The following BCL6 variants were observed in gnomAD, a reference collection of about 807,000 sequenced individuals.
BCL6 encodes B-cell lymphoma 6 protein.
A neutral mutation model predicts 59.5 loss-of-function variants in BCL6; 7 were observed. The ratio of observed to expected loss-of-function variants is 0.12; its 90% CI spans 0.07 to 0.22. The LOEUF is 0.22. Ranked by LOEUF, BCL6 falls within the 10% of genes least tolerant of loss-of-function variation. BCL6 has a pLI of 1.00. For missense variants in BCL6, 685 were observed against 939.4 expected, an observed-to-expected ratio of 0.73 and a Z score of 3.54; for synonymous variants, 339 against 349.7, an observed-to-expected ratio of 0.97 and a Z score of 0.34.
At chr3:187,745,114 A>T in intron 1 of BCL6, among the ~76,000 whole-genome samples, 1 of 152,270 alleles carries the variant, frequency 6.6e-6, no homozygotes, top group African/African-American at 2.4e-5. Context: ...ATTCACTCAA[A>T]GACAACAATA....
Position 187,721,909 on chromosome 3 carries a change from G to A in BCL6, c.*549C>T, listed in dbSNP as rs543937019. 5.0e-5 allele frequency: 10 copies of A among 201,900 alleles called. No individual in the cohort carries two copies. The highest frequency in any genetic ancestry group is 3.1e-4 in the East Asian group (4 of 12,994). 12.5% of individuals were successfully genotyped at this position (201,900 alleles called of 1,614,324 possible). Reference sequence around the variant, plus strand: ...GCAGATACAAAATCGAGCCTTTAACGCAGTTTTATATTTTTAATATATCTT... The same window carrying A: ...GCAGATACAAAATCGAGCCTTTAACACAGTTTTATATTTTTAATATATCTT... On this transcript the variant is annotated 3_prime_UTR_variant, in exon 10 of 10. Transcript: ENST00000406870. This position sits in a 1 kb window ranked among gnomAD's most constrained non-coding sequence, Gnocchi z 4.2.
At chr3:187,730,151 C>A in intron 4 of BCL6, 130 bp from the exon 5 acceptor site, 2 of 1,262,054 alleles carry the variant, frequency 1.6e-6, no homozygotes, top group South Asian at 1.8e-5. Flanking sequence ...GGCTCTGGAG[C>A]AGGGAACCAC....
intron 1 of BCL6, among the ~76,000 whole-genome samples, chr3:187,743,190 A>G (rs1328311303): frequency 6.6e-6 from 1 of 152,072 alleles, no homozygotes; most frequent in African/African-American, 2.4e-5. Flanking sequence ...TTTAAAATCC[A>G]GACTGTAAAA....
intron 1 of BCL6, among the ~76,000 whole-genome samples, chr3:187,744,898 A>G (rs1011610968): frequency 4.6e-5 from 7 of 152,248 alleles, no homozygotes; most frequent in South Asian, 2.1e-4. Flanking sequence ...CGCAAGCAGC[A>G]GCAGAAAGAG....
chr3:187,744,255 T>C (rs1711760961), intron 1 of BCL6, among the ~76,000 whole-genome samples: 2 of 152,152 alleles, frequency 1.3e-5, no homozygotes, highest in African/African-American at 2.4e-5. Context: ...TCCCAGGCTG[T>C]CCTGTCGAGG....
At chr3:187,733,726 C>T in intron 2 of BCL6, 23 bp from the exon 3 acceptor site, 1 of 1,598,216 alleles carries the variant, frequency 6.3e-7, no homozygotes, top group Non-Finnish European at 8.5e-7. Flanking sequence ...GGCCAAAATC[C>T]TGTTAGTCCT....
chr3:187,731,728 G>A lies in BCL6; in HGVS notation c.364C>T (p.Arg122Trp), dbSNP rs551620719. The change falls in exon 4 of 10, where the codon CGG (arginine) becomes TGG (tryptophan). Residue 122 changes from arginine (R) to tryptophan (W), a missense_variant. Transcript: ENST00000406870. ...ACTCACCTGGCCTTAATAAACTTCC[G>A]GCAAGTGTCCACAACATGCTCCATC... ...LQMEHVVDTC[R>W]KFIKASEAEM... 10 of 1,614,048 alleles carry A rather than the reference G, an allele frequency of 6.2e-6. No homozygotes were observed. The highest frequency in any genetic ancestry group is 1.7e-5 in the Admixed American group (1 of 60,012).
intron 1 of BCL6, among the ~76,000 whole-genome samples, 177 bp downstream of exon 1, chr3:187,745,233 T>G: frequency 1.3e-5 from 2 of 152,166 alleles, no homozygotes. Flanking sequence ...TATATACATT[T>G]ATATCAATAG....
At chr3:187,724,873 C>CACTCCACCTCCTTCCCT (rs1718594668) in intron 9 of BCL6, 68 bp downstream of exon 9, 2 of 1,597,642 alleles carry the variant, frequency 1.3e-6, no homozygotes, top group African/African-American at 2.7e-5. Context: ...TCCTTCCCTG[C>CACTCCACCTCCTTCCCT]GCTCCACCTC....
Position 187,721,716 on chromosome 3 carries a change from TG to T in BCL6, c.*741del, listed in dbSNP as rs1350310577. On this transcript the variant is annotated 3_prime_UTR_variant, in exon 10 of 10. Coordinates refer to ENST00000406870, the MANE Select transcript of BCL6 (RefSeq NM_001706.5). This position sits in a 1 kb window ranked among gnomAD's most constrained non-coding sequence, Gnocchi z 4.2. ...CTTCTGCAGATTTTTTTGTTCTTTT[TG>T]TTTTTTTTAATACACACTTTGTAAA... The T allele has an allele frequency of 1.7e-5, 4 of 232,210 alleles. No individual in the cohort carries two copies. The highest frequency in any genetic ancestry group is 3.4e-5 in the Non-Finnish European group (4 of 117,270). The allele number at this position is 232,210 out of a possible 1,614,324, so 14.4% of individuals were successfully genotyped here. A position where few individuals can be genotyped will look rare whatever the true frequency, so the allele number is the denominator to read the frequency against.
chr3:187,723,427 C>T (rs1042788122), intron 9 of BCL6, among the ~76,000 whole-genome samples: 1 of 152,000 alleles, frequency 6.6e-6, no homozygotes, highest in Non-Finnish European at 1.5e-5. Flanking sequence ...AAGTAAAGTA[C>T]GAACTTTAGC....
Position 187,721,845 on chromosome 3 carries a change from G to C in BCL6, c.*613C>G. 4.5e-6 allele frequency: 1 copy of C among 223,090 alleles called. No individual in the cohort carries two copies. The highest frequency in any genetic ancestry group is 8.9e-6 in the Non-Finnish European group (1 of 111,884). The allele number at this position is 223,090 out of a possible 1,614,324, so 13.8% of individuals were successfully genotyped here. On this transcript the variant is annotated 3_prime_UTR_variant, in exon 10 of 10. Coordinates refer to ENST00000406870, the MANE Select transcript of BCL6 (RefSeq NM_001706.5). The surrounding 1 kb of genome is among the most constrained non-coding windows in gnomAD (Gnocchi z 4.2). ...CAATACTTAAAATATTCTCTTAAGT[G>C]CTCTTTCTCAATAAAGATTCTCAGA...
intron 9 of BCL6, among the ~76,000 whole-genome samples, chr3:187,723,509 T>C (rs1305547160): frequency 6.6e-6 from 1 of 152,240 alleles, no homozygotes; most frequent in African/African-American, 2.4e-5. Flanking sequence ...ATGTTAACAA[T>C]AGGATAAAAT....
intron 1 of BCL6, 157 bp from the exon 2 acceptor site, chr3:187,735,064 C>T (rs1372388251): frequency 6.6e-6 from 1 of 152,338 alleles, no homozygotes; most frequent in East Asian, 1.9e-4. Flanking sequence ...CATTTTCCAG[C>T]TCTGCTCTTA....
At chr3:187,744,369 G>A (rs750150586) in intron 1 of BCL6, among the ~76,000 whole-genome samples, 2 of 152,044 alleles carry the variant, frequency 1.3e-5, no homozygotes, top group African/African-American at 4.8e-5. Flanking sequence ...TCTCTCCTCG[G>A]GATGAGCAGG....
intron 1 of BCL6, among the ~76,000 whole-genome samples, chr3:187,738,605 C>T (rs61738688): frequency 6.6e-6 from 1 of 152,204 alleles, no homozygotes; most frequent in African/African-American, 2.4e-5. Context: ...GGAATTATAA[C>T]CCCCGGGTGC....
At chr3:187,741,072 G>C (rs1028347672) in intron 1 of BCL6, among the ~76,000 whole-genome samples, 5 of 152,142 alleles carry the variant, frequency 3.3e-5, no homozygotes, top group Admixed American at 2.0e-4. Flanking sequence ...ATCGCCGCGC[G>C]GCCGCAGCTT....
chr3:187,725,330 C>A lies in BCL6; in HGVS notation c.1839+169G>T, dbSNP rs376846160. Among the ~76,000 whole-genome samples, 1 of 151,320 alleles carries A rather than the reference C, an allele frequency of 6.6e-6. No individual in the cohort carries two copies. Among genetic ancestry groups the A allele is most frequent in the African/African-American group, 2.4e-5 (1 of 41,130 alleles). On this transcript the variant is annotated intron_variant, in intron 8 of 9. Coordinates refer to ENST00000406870, the MANE Select transcript of BCL6 (RefSeq NM_001706.5). The surrounding 1 kb of genome is among the most constrained non-coding windows in gnomAD (Gnocchi z 4.7). ...CTCACCTGCCCGCTCTGCTCACCTGCACACGGGGACTGAGTGGGACTTTCT... is the reference window on the plus strand; with the variant it reads ...CTCACCTGCCCGCTCTGCTCACCTGAACACGGGGACTGAGTGGGACTTTCT...
chr3:187,733,585 C>T lies in BCL6; in HGVS notation c.109G>A (p.Val37Ile). The T allele has an allele frequency of 6.2e-7, 1 of 1,614,114 alleles. No homozygotes were observed. The highest frequency in any genetic ancestry group is 8.5e-7 in the Non-Finnish European group (1 of 1,180,014). The change falls in exon 3 of 10, where the codon GTT becomes ATT. Residue 37 changes from valine to isoleucine, a missense_variant. Val to Ile is a conservative substitution (Grantham distance 29, BLOSUM62 3). This residue lies in a region of BCL6 where 102 missense variants were observed against 176.6 expected (regional missense o/e 0.58). Transcript: ENST00000406870. ...SRDILTDVVI[V>I]VSREQFRAHK... The stretch of plus-strand genomic sequence containing the variant: ...GCTCTAAACTGCTCACGGCTCACAA[C>T]AATGACAACATCAGTCAAGATGTCT...
Sources: gnomAD v4.1 joint callset for allele counts (sites outside exome capture counted in the v4.1 genomes callset) on GRCh38, gnomAD v4.1.1 for gene constraint, gnomAD v4.1.1 regional missense constraint, Gnocchi (gnomAD v3.1) non-coding constraint, MANE v1.5 for transcripts, NCBI Gene and HGNC (gene_info 2026-07-23, HGNC 2026-07-21) for gene names.